The following VPS50 variants were observed in gnomAD, a reference collection of about 807,000 sequenced individuals.
VPS50 encodes the protein VPS50 subunit of EARP/GARPII complex, also known as syndetin.
VPS50 carries 70 observed loss-of-function variants against 139.7 expected under a neutral mutation model. The ratio of observed to expected loss-of-function variants is 0.50; its 90% CI spans 0.41 to 0.61. The LOEUF is 0.61. Among genes scored for constraint, VPS50 ranks in the 20% least tolerant of loss-of-function variants. VPS50 has a pLI of 0.00. For missense variants in VPS50, 921 were observed against 1,133.7 expected (o/e 0.81, Z 2.69); for synonymous variants, 365 against 376.7 (o/e 0.97, Z 0.36).
At chr7:93,290,047 A>T (rs1035285481) in intron 12 of VPS50, among the ~76,000 whole-genome samples, 39 of 151,864 alleles carry the variant, frequency 2.6e-4, no homozygotes, top group Admixed American at 3.3e-4. Context: ...TGTTATTATA[A>T]ATGAGGGTTT....
intron 23 of VPS50, among the ~76,000 whole-genome samples, chr7:93,344,149 T>C (rs553676177): frequency 2.0e-5 from 3 of 151,314 alleles, no homozygotes; most frequent in East Asian, 1.9e-4. Flanking sequence ...ACCAAGCAAA[T>C]CGAAAACAAA....
chr7:93,243,072 A>T (rs1795044021), intron 2 of VPS50, among the ~76,000 whole-genome samples: 1 of 151,982 alleles, frequency 6.6e-6, no homozygotes, highest in Non-Finnish European at 1.5e-5. Context: ...CAATTTCTGC[A>T]TTTTATAGAC....
At chr7:93,326,057 A>G (rs1481811769) in intron 21 of VPS50, among the ~76,000 whole-genome samples, 1 of 152,132 alleles carries the variant, frequency 6.6e-6, no homozygotes, top group Non-Finnish European at 1.5e-5. Flanking sequence ...CAAATGTCCA[A>G]CAATGATAGA....
At chr7:93,244,406 T>C (rs957900346) in intron 2 of VPS50, among the ~76,000 whole-genome samples, 3 of 151,894 alleles carry the variant, frequency 2.0e-5, no homozygotes, top group Non-Finnish European at 4.4e-5. Flanking sequence ...GTGGAGAGTG[T>C]GCTTGAATCA....
intron 2 of VPS50, among the ~76,000 whole-genome samples, chr7:93,240,247 A>ACT (rs542830030): frequency 0.075 from 10,769 of 143,440 alleles, 403 homozygotes; most frequent in East Asian, 0.13. Context: ...ACACACACAC[A>ACT]CACTCTCTCT....
intron 12 of VPS50, among the ~76,000 whole-genome samples, chr7:93,282,020 C>T (rs906673958): frequency 1.3e-4 from 20 of 151,884 alleles, no homozygotes; most frequent in African/African-American, 4.1e-4. Flanking sequence ...CTGGCTAACA[C>T]GGTGAAACCC....
chr7:93,250,937 A>G (rs1163624997), intron 2 of VPS50, among the ~76,000 whole-genome samples: 1 of 152,242 alleles, frequency 6.6e-6, no homozygotes, highest in Non-Finnish European at 1.5e-5. Flanking sequence ...AAAGCTCATC[A>G]TCCCTGGTCA....
At chr7:93,283,912 C>T (rs1796405011) in intron 12 of VPS50, among the ~76,000 whole-genome samples, 1 of 152,118 alleles carries the variant, frequency 6.6e-6, no homozygotes, top group South Asian at 2.1e-4. Context: ...TTCTAATGCA[C>T]CCAGGGAATA....
intron 23 of VPS50, among the ~76,000 whole-genome samples, chr7:93,345,140 A>G (rs1798353176): frequency 6.6e-6 from 1 of 152,208 alleles, no homozygotes; most frequent in African/African-American, 2.4e-5. Flanking sequence ...TAAATGATAA[A>G]GGGGATATCA....
At chr7:93,328,698 G>A (rs1797852562) in intron 21 of VPS50, among the ~76,000 whole-genome samples, 1 of 152,054 alleles carries the variant, frequency 6.6e-6, no homozygotes, top group African/African-American at 2.4e-5. Flanking sequence ...CAGTCCATGC[G>A]GCCCACGGTG....
chr7:93,301,226 G>A lies in VPS50; in HGVS notation c.1362-2234G>A, dbSNP rs1024278457. ...GCAGGAGAATTACATGAACCTGTGCGGCAGAGGTTGCAGTGAGCCAAGATC... is the reference window on the plus strand; with the variant it reads ...GCAGGAGAATTACATGAACCTGTGCAGCAGAGGTTGCAGTGAGCCAAGATC... On this transcript the variant is annotated intron_variant, in intron 16 of 27. Transcript: ENST00000305866. Among the ~76,000 whole-genome samples the A allele has an allele frequency of 1.9e-4, 29 of 151,772 alleles. 1 individual carries two copies. The highest frequency in any genetic ancestry group is 6.6e-4 in the Admixed American group (10 of 15,232).
Position 93,355,691 on chromosome 7 carries a change from T to C in VPS50, c.2586-200T>C, listed in dbSNP as rs954875751. Among the ~76,000 whole-genome samples, 9 of 152,130 alleles carry C rather than the reference T, an allele frequency of 5.9e-5. No homozygotes were observed. The East Asian group carries it at 1.3e-3, about 23-fold the overall frequency. ...TGGATCTCTTTGCAAATGAGAAAACTGAGGCCCGCATAGGTAAAATGACAG... is the reference window on the plus strand; with the variant it reads ...TGGATCTCTTTGCAAATGAGAAAACCGAGGCCCGCATAGGTAAAATGACAG... On this transcript the variant is annotated intron_variant, in intron 26 of 27. Coordinates refer to ENST00000305866, the MANE Select transcript of VPS50 (RefSeq NM_017667.4).
At chr7:93,271,122 CTTTGAA>C in intron 9 of VPS50, 92 bp from the exon 10 acceptor site, 1 of 1,471,754 alleles carries the variant, frequency 6.8e-7, no homozygotes, top group Non-Finnish European at 9.0e-7. Context: ...TACTCTTAAT[CTTTGAA>C]TTTATGGATT....
chr7:93,339,674 A>G (rs1798160481), intron 22 of VPS50, among the ~76,000 whole-genome samples: 1 of 152,180 alleles, frequency 6.6e-6, no homozygotes, highest in African/African-American at 2.4e-5. Context: ...AGAGATAACC[A>G]TGGAGTGTTT....
intron 20 of VPS50, among the ~76,000 whole-genome samples, chr7:93,316,365 C>A (rs141873363): frequency 1.6e-3 from 245 of 152,178 alleles, no homozygotes; most frequent in African/African-American, 5.6e-3. Context: ...AGCAGATTTG[C>A]TGTTTTTAAA....
At chr7:93,279,544 A>G (rs576625460) in intron 12 of VPS50, among the ~76,000 whole-genome samples, 1 of 152,334 alleles carries the variant, frequency 6.6e-6, no homozygotes, top group South Asian at 2.1e-4. Flanking sequence ...AATATGTGGC[A>G]GTGGGGGATC....
chr7:93,257,783 C>T, intron 6 of VPS50: 1 of 240,170 alleles, frequency 4.2e-6, no homozygotes, highest in East Asian at 8.8e-5. Flanking sequence ...TTTAAAAATG[C>T]AGTAAAAACA....
chr7:93,338,635 G>T (rs1301142779), intron 22 of VPS50, among the ~76,000 whole-genome samples: 1 of 152,174 alleles, frequency 6.6e-6, no homozygotes, highest in African/African-American at 2.4e-5. Flanking sequence ...GTAGGGGGAA[G>T]ATATTTTGGG....
At position 93,358,724 on chromosome 7, in the gene VPS50, A is replaced by G. The variant is rs372037711; in HGVS notation, c.*288A>G. The G allele has an allele frequency of 1.7e-5, 4 of 230,542 alleles. No homozygotes were observed. Among genetic ancestry groups the G allele is most frequent in the Non-Finnish European group, 2.6e-5 (3 of 115,000 alleles). The allele number at this position is 230,542 out of a possible 1,614,324, so 14.3% of individuals were successfully genotyped here. ...TATACATTTTACAGAAGAATGTACC[A>G]TAAGTATATAATTAGAAGAACAGTG... On this transcript the variant is annotated 3_prime_UTR_variant, in exon 28 of 28. Transcript: ENST00000305866.
Sources: gnomAD v4.1 joint callset for allele counts (sites outside exome capture counted in the v4.1 genomes callset) on GRCh38, gnomAD v4.1.1 for gene constraint, MANE v1.5 for transcripts, NCBI Gene and HGNC (gene_info 2026-07-23, HGNC 2026-07-21) for gene names.